Variants in LTBP2 observed in about 807,000 individuals in gnomAD.
LTBP2 encodes the protein latent-transforming growth factor beta-binding protein 2.
A neutral mutation model predicts 210.6 loss-of-function variants in LTBP2; 103 were observed. The ratio of observed to expected loss-of-function variants is 0.49; its 90% CI spans 0.42 to 0.58. LTBP2 has a LOEUF of 0.58. Ranked by LOEUF, LTBP2 falls within the 20% of genes least tolerant of loss-of-function variation. LTBP2 has a pLI of 0.00. For synonymous variants in LTBP2, 1,007 were observed against 1,015.0 expected (o/e 0.99, Z 0.15); for missense variants, 2,313 against 2,494.5 (o/e 0.93, Z 1.55).
rs922669213 is a variant in LTBP2, at chr14:74,579,076, C to G, written c.830+6778G>C. 5.3e-5 allele frequency among the ~76,000 whole-genome samples: 8 copies of G among 152,306 alleles called. No individual in the cohort carries two copies. The East Asian group carries it at 1.4e-3, about 26-fold the overall frequency. On this transcript the variant is annotated intron_variant, in intron 3 of 35. Coordinates refer to ENST00000261978, the MANE Select transcript of LTBP2 (RefSeq NM_000428.3). ...TTCGCCATGTTGGCCAGGCTCGTCT[C>G]GAACTCCTGACCTCGGGTGATCCAC...
In LTBP2 at chr14:74,528,651, T is replaced by C; in HGVS notation, c.2200A>G (p.Ser734Gly). 6.2e-7 allele frequency: 1 copy of C among 1,613,266 alleles called. No homozygotes were observed. The change falls in exon 12 of 36, where the codon AGC (serine) becomes GGC (glycine). Residue 734 changes from serine to glycine, a missense_variant. By Grantham distance (56) the Ser-to-Gly change is moderately conservative (BLOSUM62 0). Around this residue, in one of 3 missense-constraint regions of LTBP2, gnomAD observed 1,867 missense variants for 1,976.9 expected, o/e 0.94. Coordinates refer to ENST00000261978, the MANE Select transcript of LTBP2 (RefSeq NM_000428.3). ...CPAGHGYTYA[S>G]SDIRLSMRKA... ...CTCATGGACAGGCGGATGTCGGAGCTCGCGTAGGTGTAGCCGTGGCCGGCA... is the reference window on the plus strand; with the variant it reads ...CTCATGGACAGGCGGATGTCGGAGCCCGCGTAGGTGTAGCCGTGGCCGGCA...
chr14:74,586,259 G>C lies in LTBP2; in HGVS notation c.566-141C>G, dbSNP rs1482396189. ...GGAAGCCACTCTCCTGGCCTCAGGG[G>C]GCTCCCTGACCCATGTCTCTCCCAC... On this transcript the variant is annotated intron_variant, in intron 2 of 35. Coordinates refer to ENST00000261978, the MANE Select transcript of LTBP2 (RefSeq NM_000428.3). The surrounding 1 kb of genome is among the most constrained non-coding windows in gnomAD (Gnocchi z 4.6). 1 of 927,350 alleles carries C rather than the reference G, an allele frequency of 1.1e-6. No homozygotes were observed. The highest frequency in any genetic ancestry group is 1.6e-6 in the Non-Finnish European group (1 of 621,136). The allele number at this position is 927,350 out of a possible 1,614,324, so 57.4% of individuals were successfully genotyped here.
chr14:74,562,485 G>T (rs1287592779), intron 3 of LTBP2, among the ~76,000 whole-genome samples: 1 of 152,068 alleles, frequency 6.6e-6, no homozygotes, highest in Non-Finnish European at 1.5e-5. Flanking sequence ...AAAGACAAAT[G>T]ACATGGTGGG....
chr14:74,595,078 C>T (rs1048769371), intron 2 of LTBP2, among the ~76,000 whole-genome samples: 3 of 152,268 alleles, frequency 2.0e-5, no homozygotes, highest in South Asian at 2.1e-4. Flanking sequence ...AGAAAGATGC[C>T]GTTCTTGGCC....
Position 74,506,882 on chromosome 14 carries a change from C to CGT in LTBP2, c.3908-60_3908-59insAC, listed in dbSNP as rs61389041. The CGT allele has an allele frequency of 2.3e-4, 209 of 927,128 alleles. 1 individual carries two copies. The highest frequency in any genetic ancestry group is 2.2e-3 in the African/African-American group (125 of 57,290). 57.4% of individuals were successfully genotyped at this position (927,128 alleles called of 1,614,324 possible). ...GTGTGTGTGTGTGTGTGTGTGTGCG[C>CGT]GCGCGCGTGTGTGCTCACTCTCTCA... On this transcript the variant is annotated intron_variant, in intron 26 of 35. Coordinates refer to ENST00000261978, the MANE Select transcript of LTBP2 (RefSeq NM_000428.3).
At position 74,549,872 on chromosome 14, in the gene LTBP2, G is replaced by C. The variant is rs755025351; in HGVS notation, c.1780C>G (p.Pro594Ala). The change falls in exon 8 of 36, where the codon CCC becomes GCC. Residue 594 changes from proline to alanine, a missense_variant. Physicochemically the swap from Pro to Ala is conservative, Grantham distance 27 (BLOSUM62 -1). Transcript: ENST00000261978. ...GGACTCCAGCACTCACCTGGTCTGG[G>C]TGGGCATGGGGCACACAAAGTCACC... ...WGVTLCAPCP[P>A]RPASPVIENG... The C allele has an allele frequency of 6.2e-7, 1 of 1,613,842 alleles. No individual in the cohort carries two copies. Among genetic ancestry groups the C allele is most frequent in the South Asian group, 1.1e-5 (1 of 91,080 alleles).
rs2087313924 is a variant in LTBP2 at position 74,528,951 on chromosome 14, AG to A, written c.2152+6del. On this transcript the variant is annotated splice_donor_region_variant and intron_variant, in intron 11 of 35. Coordinates refer to ENST00000261978, the MANE Select transcript of LTBP2 (RefSeq NM_000428.3). ...CAGTGAAAGCTGGGATGGGAACAGGAGGTTACCTGTGCCAGGCAGAGGGCAT... is the reference window on the plus strand; with the variant it reads ...CAGTGAAAGCTGGGATGGGAACAGGAGTTACCTGTGCCAGGCAGAGGGCAT... 1.9e-6 allele frequency: 3 copies of A among 1,610,870 alleles called. No homozygotes were observed. Among genetic ancestry groups the A allele is most frequent in the East Asian group, 4.5e-5 (2 of 44,852 alleles).
In LTBP2 at chr14:74,508,083, C is replaced by A. The variant is rs549001156; in HGVS notation, c.3665G>T (p.Cys1222Phe). Residue 1222 changes from cysteine (C) to phenylalanine (F), a missense_variant, in exon 25 of 36, where the codon TGT (cysteine) becomes TTT (phenylalanine). By Grantham distance (205) the Cys-to-Phe change is radical (BLOSUM62 -2). Transcript: ENST00000261978. ...GGTSCQDVDECATTDPCVGGH... is the reference protein window; with the variant it reads ...GGTSCQDVDEFATTDPCVGGH... ...TCCCACACACGGGTCTGTGGTGGCA[C>A]ACTCGTCCACATCTAGAGTAGAGAT... is the stretch of plus-strand genomic sequence containing the variant. 333 of 1,613,846 alleles carry A rather than the reference C, an allele frequency of 2.1e-4. 4 individuals are homozygous for A. The South Asian group carries it at 3.6e-3, about 17-fold the overall frequency.
At chr14:74,597,719 A>T (rs1405023260) in intron 2 of LTBP2, among the ~76,000 whole-genome samples, 1 of 152,160 alleles carries the variant, frequency 6.6e-6, no homozygotes, top group Non-Finnish European at 1.5e-5. Context: ...TCTTGATGAG[A>T]GTGCACCCTA....
intron 3 of LTBP2, among the ~76,000 whole-genome samples, chr14:74,577,946 A>G (rs2088082445): frequency 2.0e-5 from 3 of 152,100 alleles, no homozygotes; most frequent in African/African-American, 4.8e-5. Flanking sequence ...GCTGAATCAG[A>G]GAACAATCTT....
chr14:74,608,890 C>G (rs915063440), intron 1 of LTBP2, among the ~76,000 whole-genome samples: 1 of 152,106 alleles, frequency 6.6e-6, no homozygotes, highest in African/African-American at 2.4e-5. Flanking sequence ...TTATTATGTG[C>G]AATAAATCTT....
chr14:74,603,543 G>C (rs1301600010), intron 2 of LTBP2, 92 bp downstream of exon 2: 47 of 1,282,296 alleles, frequency 3.7e-5, no homozygotes, highest in Non-Finnish European at 3.2e-5. Flanking sequence ...AGGTTCTGGA[G>C]TACCTAAGCT....
chr14:74,603,004 G>A (rs1167295676), intron 2 of LTBP2, among the ~76,000 whole-genome samples: 1 of 152,246 alleles, frequency 6.6e-6, no homozygotes, highest in Admixed American at 6.5e-5. Context: ...ATAGGTGCAT[G>A]CAGTCTCCTG....
chr14:74,506,873 G>A, intron 26 of LTBP2, 50 bp from the exon 27 acceptor site: 1 of 1,418,336 alleles, frequency 7.1e-7, no homozygotes, highest in Non-Finnish European at 9.4e-7. Context: ...GTGTGTGTGT[G>A]TGTGTGCGCG....
Position 74,612,134 on chromosome 14 carries a change from G to A in LTBP2, c.-190C>T, listed in dbSNP as rs2088625547. ...GAGGGCTGCGCGCCCCGAGCCTCGAGTCCGCGCTCCTACTCCAGCTGGGCT... is the reference window on the plus strand; with the variant it reads ...GAGGGCTGCGCGCCCCGAGCCTCGAATCCGCGCTCCTACTCCAGCTGGGCT... On this transcript the variant is annotated 5_prime_UTR_variant, in exon 1 of 36. Coordinates refer to ENST00000261978, the MANE Select transcript of LTBP2 (RefSeq NM_000428.3). The A allele has an allele frequency of 1.7e-6, 1 of 574,532 alleles. No homozygotes were observed. Among genetic ancestry groups the A allele is most frequent in the African/African-American group, 2.0e-5 (1 of 50,010 alleles). The allele number at this position is 574,532 out of a possible 1,614,324, so 35.6% of individuals were successfully genotyped here. A position where few individuals can be genotyped will look rare whatever the true frequency, so the allele number is the denominator to read the frequency against.
chr14:74,593,322 G>A (rs945450219), intron 2 of LTBP2, among the ~76,000 whole-genome samples: 1 of 152,188 alleles, frequency 6.6e-6, no homozygotes, highest in African/African-American at 2.4e-5. Flanking sequence ...ATTGGCTACT[G>A]GGTAGTAGCA....
intron 3 of LTBP2, among the ~76,000 whole-genome samples, chr14:74,584,938 C>A (rs1215935913): frequency 6.6e-6 from 1 of 152,140 alleles, no homozygotes; most frequent in East Asian, 1.9e-4. Flanking sequence ...CCTGGTTCTC[C>A]TGGGCTCTGA....
At position 74,511,357 on chromosome 14, in the gene LTBP2, G is replaced by T. The variant is rs775787060; in HGVS notation, c.2916C>A (p.Asn972Lys). 1 of 1,614,062 alleles carries T rather than the reference G, an allele frequency of 6.2e-7. No individual in the cohort carries two copies. The highest frequency in any genetic ancestry group is 1.1e-5 in the South Asian group (1 of 91,078). The stretch of plus-strand genomic sequence containing the variant: ...GGCAGGTACCGGGGTGACGGCATTC[G>T]TTGATATCTGCAAAACAGCAGCCCC... ...MVRKGHCQDI[N>K]ECRHPGTCPD... The change falls in exon 19 of 36, where the codon AAC becomes AAA. Residue 972 changes from asparagine to lysine, a missense_variant. Coordinates refer to ENST00000261978, the MANE Select transcript of LTBP2 (RefSeq NM_000428.3).
At chr14:74,535,035 G>A (rs755822033) in intron 9 of LTBP2, among the ~76,000 whole-genome samples, 1 of 152,078 alleles carries the variant, frequency 6.6e-6, no homozygotes, top group Non-Finnish European at 1.5e-5. Context: ...GCAAAAATAC[G>A]TATTTCTCCC....
Sources: gnomAD v4.1 joint callset for allele counts (sites outside exome capture counted in the v4.1 genomes callset) on GRCh38, gnomAD v4.1.1 for gene constraint, gnomAD v4.1.1 regional missense constraint, Gnocchi (gnomAD v3.1) non-coding constraint, MANE v1.5 for transcripts, NCBI Gene and HGNC (gene_info 2026-07-23, HGNC 2026-07-21) for gene names.